SGCD: variants seen among roughly 807,000 people sequenced by gnomAD.
SGCD encodes the protein sarcoglycan delta, also known as delta-sarcoglycan.
In SGCD, 18 loss-of-function variants were observed where a neutral mutation model predicts 36.6. The observed-to-expected ratio is 0.49, with a 90% CI of 0.34 to 0.73. SGCD has a LOEUF of 0.73. Ranked by LOEUF, SGCD falls within the 30% of genes least tolerant of loss-of-function variation. The probability of loss-of-function intolerance (pLI) is 0.01; values close to 1 mark genes in which losing one functional copy is unlikely to be tolerated. For synonymous variants in SGCD, 133 were observed against 130.6 expected, an observed-to-expected ratio of 1.02 and a Z score of -0.12; for missense variants, 387 against 346.7, an observed-to-expected ratio of 1.12 and a Z score of -0.92.
intron 3 of SGCD, among the ~76,000 whole-genome samples, chr5:156,281,114 G>C (rs1185530725): frequency 6.6e-6 from 1 of 152,096 alleles, no homozygotes; most frequent in Non-Finnish European, 1.5e-5. Context: ...TAAGTGAGAG[G>C]GAAATGGAAA....
intron 3 of SGCD, among the ~76,000 whole-genome samples, chr5:156,171,561 G>C (rs1039908165): frequency 2.6e-5 from 4 of 152,086 alleles, no homozygotes; most frequent in South Asian, 4.1e-4. Flanking sequence ...CATTGTTACG[G>C]TAACATTTTA....
chr5:156,498,677 G>A (rs1756309116), intron 3 of SGCD, among the ~76,000 whole-genome samples: 1 of 152,156 alleles, frequency 6.6e-6, no homozygotes, highest in South Asian at 2.1e-4. Context: ...CAGTTAATAG[G>A]CATTTAGGTG....
the SGCD span, among the ~76,000 whole-genome samples, chr5:155,745,097 C>T: frequency 6.6e-6 from 1 of 152,036 alleles, no homozygotes; most frequent in Non-Finnish European, 1.5e-5. Context: ...AGCCCTGAGA[C>T]AAAATAACTG....
At chr5:156,007,352 G>C (rs533418671) in intron 1 of SGCD, among the ~76,000 whole-genome samples, 3 of 152,090 alleles carry the variant, frequency 2.0e-5, no homozygotes, top group South Asian at 2.1e-4. Context: ...CTCCTTTCTC[G>C]GAAGGCAGTT....
At chr5:156,067,827 T>G (rs1760374441) in intron 1 of SGCD, among the ~76,000 whole-genome samples, 1 of 140,054 alleles carries the variant, frequency 7.1e-6, no homozygotes, top group Non-Finnish European at 1.5e-5. Flanking sequence ...CACACTGGCC[T>G]GCGCCCACTG....
chr5:156,351,147 C>A (rs1177505607), intron 3 of SGCD, among the ~76,000 whole-genome samples: 1 of 152,150 alleles, frequency 6.6e-6, no homozygotes, highest in African/African-American at 2.4e-5. Flanking sequence ...TATCTAATTT[C>A]TCTTTGCTGT....
intron 3 of SGCD, among the ~76,000 whole-genome samples, chr5:156,274,809 C>G (rs79824001): frequency 8.5e-5 from 13 of 152,146 alleles, no homozygotes; most frequent in Non-Finnish European, 1.6e-4. Flanking sequence ...TTGCTGGTCA[C>G]GAAATCTCTT....
chr5:156,340,413 A>C, intron 2 of SGCD, among the ~76,000 whole-genome samples: 1 of 152,112 alleles, frequency 6.6e-6, no homozygotes, highest in East Asian at 1.9e-4. Flanking sequence ...AATTGGAGCT[A>C]TGGGTGGAAG....
chr5:156,700,819 T>G (rs1292084525), intron 7 of SGCD, among the ~76,000 whole-genome samples: 1 of 151,788 alleles, frequency 6.6e-6, no homozygotes, highest in African/African-American at 2.4e-5. Flanking sequence ...GGCACACCCC[T>G]GTGGTCCCAG....
At chr5:156,423,058 G>C (rs1773392473) in intron 3 of SGCD, among the ~76,000 whole-genome samples, 1 of 148,532 alleles carries the variant, frequency 6.7e-6, no homozygotes. Flanking sequence ...TGCAAAATTA[G>C]TCTTACAAAG....
At chr5:155,840,446 A>AT in the SGCD span, among the ~76,000 whole-genome samples, 3 of 123,058 alleles carry the variant, frequency 2.4e-5, no homozygotes, top group East Asian at 2.3e-4. Flanking sequence ...GTATTTTTGT[A>AT]TTTTTTTGTA....
At chr5:156,434,775 A>C (rs1753174876) in intron 3 of SGCD, among the ~76,000 whole-genome samples, 1 of 152,218 alleles carries the variant, frequency 6.6e-6, no homozygotes, top group South Asian at 2.1e-4. Context: ...AGTTGCTACC[A>C]GATCAGTTCA....
chr5:155,732,048 T>C, the SGCD span, among the ~76,000 whole-genome samples: 1 of 152,228 alleles, frequency 6.6e-6, no homozygotes, highest in Non-Finnish European at 1.5e-5. Flanking sequence ...CAGGGTTACC[T>C]TCATCAGCCT....
chr5:156,518,417 T>C (rs1420753102), intron 4 of SGCD, among the ~76,000 whole-genome samples: 1 of 152,150 alleles, frequency 6.6e-6, no homozygotes. Context: ...CTGTCAATAT[T>C]AGACGGATCA....
Position 155,873,420 on chromosome 5 carries a change from A to G in SGCD, c.-282+2996A>G, listed in dbSNP as rs138622358. On this transcript the variant is annotated intron_variant, in intron 1 of 9. Transcript: ENST00000517913. Reference sequence around the variant, plus strand: ...CATTATCTTAAGTGAAGTAACTCAGAAACAGAAAGTCCAAATACTGCATGT... The same window carrying G: ...CATTATCTTAAGTGAAGTAACTCAGGAACAGAAAGTCCAAATACTGCATGT... Among the ~76,000 whole-genome samples, 137 of 152,302 alleles carry G rather than the reference A, an allele frequency of 9.0e-4. 2 individuals are homozygous for G. The East Asian group carries it at 0.022, about 24-fold the overall frequency.
At chr5:156,502,337 T>C (rs1756495758) in intron 3 of SGCD, among the ~76,000 whole-genome samples, 1 of 152,126 alleles carries the variant, frequency 6.6e-6, no homozygotes, top group Non-Finnish European at 1.5e-5. Context: ...TGAGCCACCA[T>C]GCCCAGCCCT....
chr5:156,311,525 A>T (rs527925888), intron 3 of SGCD, among the ~76,000 whole-genome samples: 1 of 152,330 alleles, frequency 6.6e-6, no homozygotes, highest in East Asian at 1.9e-4. Flanking sequence ...CATAGAATAC[A>T]GTATCTTAGA....
Position 156,048,791 on chromosome 5 carries a change from G to A in SGCD, c.-281-69087G>A, listed in dbSNP as rs530488187. Reference sequence around the variant, plus strand: ...CTGTAGGTTGCCTGTTCACTCTGATGGTAGTTTCTTTTGCTGCGCAGAAGC... The same window carrying A: ...CTGTAGGTTGCCTGTTCACTCTGATAGTAGTTTCTTTTGCTGCGCAGAAGC... On this transcript the variant is annotated intron_variant, in intron 1 of 9. Transcript: ENST00000517913. Among the ~76,000 whole-genome samples, 105 of 152,156 alleles carry A rather than the reference G, an allele frequency of 6.9e-4. No individual in the cohort carries two copies. In the Middle Eastern group the frequency reaches 0.017, roughly 25 times the overall value.
At chr5:156,719,441 A>T (rs282475) in intron 7 of SGCD, among the ~76,000 whole-genome samples, 3 of 151,886 alleles carry the variant, frequency 2.0e-5, no homozygotes, top group Non-Finnish European at 4.4e-5. Context: ...ATAATGTTTG[A>T]CCAAATATCT....
Sources: gnomAD v4.1 joint callset for allele counts (sites outside exome capture counted in the v4.1 genomes callset) on GRCh38, gnomAD v4.1.1 for gene constraint, MANE v1.5 for transcripts, NCBI Gene and HGNC (gene_info 2026-07-23, HGNC 2026-07-21) for gene names.